Variants in ATP6V1B1 observed in about 807,000 individuals in gnomAD.
ATP6V1B1 encodes the protein ATPase H+ transporting V1 subunit B1.
A neutral mutation model predicts 62.1 loss-of-function variants in ATP6V1B1; 41 were observed. The ratio of observed to expected loss-of-function variants is 0.66; its 90% CI spans 0.51 to 0.86. The LOEUF (loss-of-function observed/expected upper bound fraction) is 0.86, where lower values mean the gene tolerates loss of function less well. Among genes scored for constraint, ATP6V1B1 ranks in the 40% least tolerant of loss-of-function variants. ATP6V1B1 has a pLI of 0.00. For synonymous variants in ATP6V1B1, 253 were observed against 273.4 expected (o/e 0.93, Z 0.74); for missense variants, 651 against 697.5 (o/e 0.93, Z 0.75).
Position 70,943,568 on chromosome 2 carries a change from GGA to G in ATP6V1B1, c.119-84_119-83del, listed in dbSNP as rs111644218. The G allele has an allele frequency of 0.02, 26,868 of 1,358,340 alleles. 1,299 individuals are homozygous for G. The highest frequency in any genetic ancestry group is 0.17 in the African/African-American group (12,130 of 69,924). 84.1% of individuals were successfully genotyped at this position (1,358,340 alleles called of 1,614,324 possible). On this transcript the variant is annotated intron_variant, in intron 1 of 13. Coordinates refer to ENST00000234396, the MANE Select transcript of ATP6V1B1 (RefSeq NM_001692.4). ...CCAGGCTGGGAAGGAGGTGGGGTGT[GGA>G]GAGAGGAAGGGAAGGCAGAGGATGC...
chr2:70,960,199 C>G lies in ATP6V1B1; in HGVS notation c.585+121C>G, dbSNP rs1247749427. The G allele has an allele frequency of 2.1e-6, 3 of 1,450,692 alleles. No individual in the cohort carries two copies. In the African/African-American group the frequency reaches 4.2e-5, roughly 20 times the overall value. The allele number at this position is 1,450,692 out of a possible 1,614,324, so 89.9% of individuals were successfully genotyped here. A position where few individuals can be genotyped will look rare whatever the true frequency, so the allele number is the denominator to read the frequency against. ...CAGGGGCTGGCAGGGCTGGGGTCGCCAGCATCGAGACTGGCAGCTGTCCCT... is the reference window on the plus strand; with the variant it reads ...CAGGGGCTGGCAGGGCTGGGGTCGCGAGCATCGAGACTGGCAGCTGTCCCT... On this transcript the variant is annotated intron_variant, in intron 6 of 13. Transcript: ENST00000234396.
At chr2:70,948,804 G>A (rs1558672857) in intron 2 of ATP6V1B1, among the ~76,000 whole-genome samples, 2 of 152,278 alleles carry the variant, frequency 1.3e-5, no homozygotes, top group East Asian at 3.9e-4. Context: ...ACTCAAGGTA[G>A]CGCTCCCTTC....
In ATP6V1B1 at chr2:70,962,800, G is replaced by C; in HGVS notation, c.809G>C (p.Arg270Pro). 2 of 1,614,066 alleles carry C rather than the reference G, an allele frequency of 1.2e-6. No individual in the cohort carries two copies. Among genetic ancestry groups the C allele is most frequent in the Non-Finnish European group, 1.7e-6 (2 of 1,180,010 alleles). ...DPTIERIITP[R>P]LALTTAEFLA... ...AGGATCGAGCGGATCATCACCCCGCGCCTGGCGCTGACCACTGCTGAATTC... is the reference window on the plus strand; with the variant it reads ...AGGATCGAGCGGATCATCACCCCGCCCCTGGCGCTGACCACTGCTGAATTC... Residue 270 changes from arginine (R) to proline (P), a missense_variant, in exon 9 of 14, where the codon CGC becomes CCC. Arg to Pro is a moderately radical substitution (Grantham distance 103). Transcript: ENST00000234396.
At chr2:70,947,683 T>C (rs1680217020) in intron 2 of ATP6V1B1, 1 of 152,190 alleles carries the variant, frequency 6.6e-6, no homozygotes, top group African/African-American at 2.4e-5. Context: ...TGTGCACAAA[T>C]CCCGACAGGC....
Position 70,959,962 on chromosome 2 carries a change from C to G in ATP6V1B1, c.469C>G (p.Arg157Gly). ...INGQPINPHSRIYPEEMIQTG... is the reference protein window; with the variant it reads ...INGQPINPHSGIYPEEMIQTG... ...AGGCCAGCCCATCAACCCGCACTCC[C>G]GCATCTACCCCGAGGAGATGATTCA... Residue 157 changes from arginine (R) to glycine (G), a missense_variant, in exon 6 of 14, where the codon CGC (arginine) becomes GGC (glycine). Transcript: ENST00000234396. The surrounding 1 kb of genome is among the most constrained non-coding windows in gnomAD (Gnocchi z 4.2). 6.2e-7 allele frequency: 1 copy of G among 1,614,184 alleles called. No homozygotes were observed. The highest frequency in any genetic ancestry group is 8.5e-7 in the Non-Finnish European group (1 of 1,180,038).
chr2:70,944,389 C>T (rs1680093721), intron 2 of ATP6V1B1, among the ~76,000 whole-genome samples: 1 of 151,904 alleles, frequency 6.6e-6, no homozygotes, highest in Admixed American at 6.6e-5. Context: ...TATCCTCCCT[C>T]CACCAACCAG....
In ATP6V1B1 at chr2:70,963,537, C is replaced by T. The variant is rs1167852190; in HGVS notation, c.1061-35C>T. 4 of 1,603,030 alleles carry T rather than the reference C, an allele frequency of 2.5e-6. No individual in the cohort carries two copies. The highest frequency in any genetic ancestry group is 1.3e-5 in the African/African-American group (1 of 74,704). ...CCCTGAGTGGTTGGAGACCTGGGCCCCCACCCACACTGAGGCCAGTGAGTT... is the reference window on the plus strand; with the variant it reads ...CCCTGAGTGGTTGGAGACCTGGGCCTCCACCCACACTGAGGCCAGTGAGTT... On this transcript the variant is annotated intron_variant, in intron 10 of 13. Coordinates refer to ENST00000234396, the MANE Select transcript of ATP6V1B1 (RefSeq NM_001692.4). This position sits in a 1 kb window ranked among gnomAD's most constrained non-coding sequence, Gnocchi z 4.3.
At position 70,961,610 on chromosome 2, in the gene ATP6V1B1, A is replaced by T. The variant is rs1680588964; in HGVS notation, c.702A>T (p.Thr234=). The T allele has an allele frequency of 6.2e-7, 1 of 1,614,138 alleles. No individual in the cohort carries two copies. Among genetic ancestry groups the T allele is most frequent in the Admixed American group, 1.7e-5 (1 of 60,010 alleles). The part of the protein sequence containing the change: ...VFAAMGVNME[T]ARFFKSDFEQ... ...TGTGTATCCAGGTGAACATGGAGACAGCCAGATTCTTCAAGTCTGACTTTG... is the reference window on the plus strand; with the variant it reads ...TGTGTATCCAGGTGAACATGGAGACTGCCAGATTCTTCAAGTCTGACTTTG... The change falls in exon 8 of 14, where the codon ACA becomes ACT. Residue 234 remains threonine (T), a synonymous_variant. Transcript: ENST00000234396.
At chr2:70,945,599 T>C (rs933813508) in intron 2 of ATP6V1B1, among the ~76,000 whole-genome samples, 1 of 151,272 alleles carries the variant, frequency 6.6e-6, no homozygotes, top group Non-Finnish European at 1.5e-5. Context: ...TTGATACATA[T>C]AATGCATAGT....
At chr2:70,946,073 C>T (rs1372874642) in intron 2 of ATP6V1B1, among the ~76,000 whole-genome samples, 4 of 152,222 alleles carry the variant, frequency 2.6e-5, no homozygotes, top group Non-Finnish European at 5.9e-5. Flanking sequence ...AGAAGCCCAA[C>T]ACAGCATTTT....
chr2:70,937,651 G>A (rs1679889673), intron 1 of ATP6V1B1, among the ~76,000 whole-genome samples: 2 of 151,920 alleles, frequency 1.3e-5, no homozygotes, highest in Non-Finnish European at 2.9e-5. Flanking sequence ...CTCCCTGCAG[G>A]CCGTCCCTCC....
intron 1 of ATP6V1B1, chr2:70,942,034 T>C (rs1401593681): frequency 1.2e-5 from 13 of 1,112,790 alleles, no homozygotes; most frequent in Non-Finnish European, 1.4e-5. Flanking sequence ...GAGGTTTATT[T>C]TGTACTGGAA....
chr2:70,939,141 G>GCGTC (rs1679925650), intron 1 of ATP6V1B1, among the ~76,000 whole-genome samples: 1 of 152,276 alleles, frequency 6.6e-6, no homozygotes, highest in East Asian at 1.9e-4. Context: ...CCAGGACGCT[G>GCGTC]CAGGTGTGGC....
intron 1 of ATP6V1B1, among the ~76,000 whole-genome samples, chr2:70,937,500 G>A (rs1384217498): frequency 6.6e-6 from 1 of 152,006 alleles, no homozygotes; most frequent in Non-Finnish European, 1.5e-5. Flanking sequence ...AGGATAGGAG[G>A]TCCGGATACT....
At position 70,943,689 on chromosome 2, in the gene ATP6V1B1, C is replaced by G; in HGVS notation, c.150C>G (p.Pro50=). Residue 50 remains proline, a synonymous_variant, in exon 2 of 14, where the codon CCC becomes CCG. Coordinates refer to ENST00000234396, the MANE Select transcript of ATP6V1B1 (RefSeq NM_001692.4). ...TYRTVCSVNG[P]LVVLDRVKFA... ...GGACTGTGTGCAGCGTGAACGGGCCCCTGGTGGTGCTGGACCGGGTCAAGG... is the reference window on the plus strand; with the variant it reads ...GGACTGTGTGCAGCGTGAACGGGCCGCTGGTGGTGCTGGACCGGGTCAAGG... 3.1e-6 allele frequency: 5 copies of G among 1,613,888 alleles called. No homozygotes were observed. Among genetic ancestry groups the G allele is most frequent in the Non-Finnish European group, 4.2e-6 (5 of 1,179,972 alleles).
At chr2:70,956,218 T>G (rs1215525460) in intron 2 of ATP6V1B1, 1 of 228,736 alleles carries the variant, frequency 4.4e-6, no homozygotes, top group Non-Finnish European at 1.0e-5. Context: ...ACCATAGGTT[T>G]TCTCCTCTCC....
chr2:70,949,440 G>A (rs1474260135), intron 2 of ATP6V1B1, among the ~76,000 whole-genome samples: 2 of 152,150 alleles, frequency 1.3e-5, no homozygotes, highest in East Asian at 1.9e-4. Flanking sequence ...TCCCAGAAGT[G>A]GAATTGCTGG....
chr2:70,952,423 A>G (rs1476375338), intron 2 of ATP6V1B1, among the ~76,000 whole-genome samples: 2 of 151,396 alleles, frequency 1.3e-5, no homozygotes, highest in East Asian at 2.0e-4. Context: ...AGATCTCGCC[A>G]TTGCATTCCA....
rs1680637052 is a variant in ATP6V1B1 at position 70,963,354 on chromosome 2, C to T, written c.1060+42C>T. ...CCACTACCCTCCAGAGCTCCCCTGT[C>T]CTCCCTTTTCCAACCAGATACTTAA... On this transcript the variant is annotated intron_variant, in intron 10 of 13. Coordinates refer to ENST00000234396, the MANE Select transcript of ATP6V1B1 (RefSeq NM_001692.4). The surrounding 1 kb of genome is among the most constrained non-coding windows in gnomAD (Gnocchi z 4.3). 1 of 1,612,166 alleles carries T rather than the reference C, an allele frequency of 6.2e-7. No homozygotes were observed. The highest frequency in any genetic ancestry group is 1.1e-5 in the South Asian group (1 of 91,060).
Sources: gnomAD v4.1 joint callset for allele counts (sites outside exome capture counted in the v4.1 genomes callset) on GRCh38, gnomAD v4.1.1 for gene constraint, Gnocchi (gnomAD v3.1) non-coding constraint, MANE v1.5 for transcripts, NCBI Gene and HGNC (gene_info 2026-07-23, HGNC 2026-07-21) for gene names.